Variants in PDZD2 observed in about 807,000 individuals in gnomAD.
The protein encoded by PDZD2 is PDZ domain-containing protein 2.
Under a neutral mutation model 220.7 loss-of-function variants are expected in PDZD2, and 90 were observed. That is an observed-to-expected ratio of 0.41 (90% confidence interval 0.34 to 0.49). The LOEUF (loss-of-function observed/expected upper bound fraction) is 0.49, where lower values mean the gene tolerates loss of function less well. Ranked by LOEUF, PDZD2 falls within the 20% of genes least tolerant of loss-of-function variation. The pLI is 0.28. For missense variants in PDZD2, 3,174 were observed against 3,608.5 expected (o/e 0.88, Z 3.08); for synonymous variants, 1,375 against 1,450.5 (o/e 0.95, Z 1.18).
chr5:31,800,679 C>A (rs1281765392), intron 2 of PDZD2, among the ~76,000 whole-genome samples: 1 of 152,210 alleles, frequency 6.6e-6, no homozygotes, highest in African/African-American at 2.4e-5. Flanking sequence ...CAATACCCCA[C>A]CCCTGGTGAG....
intron 2 of PDZD2, among the ~76,000 whole-genome samples, chr5:31,808,709 G>T (rs959101559): frequency 3.3e-5 from 5 of 152,174 alleles, no homozygotes; most frequent in African/African-American, 1.2e-4. Flanking sequence ...GGGCATAGTG[G>T]CTCATGCCTG....
chr5:31,708,871 A>G (rs1308875700), intron 1 of PDZD2, among the ~76,000 whole-genome samples: 2 of 134,704 alleles, frequency 1.5e-5, no homozygotes, highest in Non-Finnish European at 3.1e-5. Flanking sequence ...GTCCTCAGCA[A>G]ATGTGTTTTG....
intron 1 of PDZD2, among the ~76,000 whole-genome samples, chr5:31,785,759 G>A (rs1476746728): frequency 1.3e-5 from 2 of 152,072 alleles, no homozygotes; most frequent in East Asian, 3.9e-4. Flanking sequence ...TCTTTTAACT[G>A]TGCACATGCC....
At chr5:31,683,878 T>A (rs1746745829) in intron 1 of PDZD2, among the ~76,000 whole-genome samples, 1 of 152,180 alleles carries the variant, frequency 6.6e-6, no homozygotes, top group African/African-American at 2.4e-5. Flanking sequence ...TTAAATTTGA[T>A]ACCCAGTGCC....
At chr5:31,827,561 C>G (rs994541664) in intron 2 of PDZD2, among the ~76,000 whole-genome samples, 76 of 152,054 alleles carry the variant, frequency 5.0e-4, no homozygotes, top group African/African-American at 1.7e-3. Flanking sequence ...GGTATGGTGG[C>G]ATGCGCCTGT....
intron 1 of PDZD2, among the ~76,000 whole-genome samples, chr5:31,675,645 G>T (rs1405187308): frequency 6.6e-6 from 1 of 152,162 alleles, no homozygotes; most frequent in South Asian, 2.1e-4. Context: ...TGGCCCAATC[G>T]ATGTCTTACA....
chr5:31,855,756 CACT>C (rs1758392976), intron 2 of PDZD2, among the ~76,000 whole-genome samples: 1 of 152,226 alleles, frequency 6.6e-6, no homozygotes, highest in Non-Finnish European at 1.5e-5. Flanking sequence ...ACAGCCCCAC[CACT>C]GATTCCCAAA....
intron 2 of PDZD2, among the ~76,000 whole-genome samples, chr5:31,811,452 A>G (rs905606524): frequency 3.3e-5 from 5 of 152,206 alleles, no homozygotes; most frequent in Non-Finnish European, 5.9e-5. Flanking sequence ...AGATGATTCT[A>G]TCATTTGCAA....
intron 2 of PDZD2, among the ~76,000 whole-genome samples, chr5:31,969,788 TAA>T (rs1378986608): frequency 6.6e-6 from 1 of 152,188 alleles, no homozygotes. Context: ...AGTCATCTTT[TAA>T]AGAGTCTCTT....
intron 2 of PDZD2, among the ~76,000 whole-genome samples, chr5:31,801,837 TG>T (rs1180353209): frequency 6.6e-6 from 1 of 152,172 alleles, no homozygotes; most frequent in Non-Finnish European, 1.5e-5. Context: ...ACTACCATAA[TG>T]GAGAGTGTTT....
At chr5:31,784,479 C>G (rs1211547448) in intron 1 of PDZD2, among the ~76,000 whole-genome samples, 1 of 152,114 alleles carries the variant, frequency 6.6e-6, no homozygotes, top group Non-Finnish European at 1.5e-5. Context: ...GGACTGAAAT[C>G]GGATTGTGCT....
chr5:31,821,449 T>G (rs1464626809), intron 2 of PDZD2, among the ~76,000 whole-genome samples: 1 of 151,998 alleles, frequency 6.6e-6, no homozygotes. Context: ...GGCGCGATCT[T>G]GGCTCACTGC....
Position 31,881,326 on chromosome 5 carries a change from A to G in PDZD2, c.476+81602A>G, listed in dbSNP as rs7729050. 6.4e-3 allele frequency among the ~76,000 whole-genome samples: 788 copies of G among 123,236 alleles called. 25 individuals carry two copies. Among genetic ancestry groups the G allele is most frequent in the Admixed American group, 0.054 (590 of 10,998 alleles). 80.8% of individuals were successfully genotyped at this position (123,236 alleles called of 152,430 possible). On this transcript the variant is annotated intron_variant, in intron 2 of 24. Coordinates refer to ENST00000438447, the MANE Select transcript of PDZD2 (RefSeq NM_178140.4). ...CTTGTCTCATCCCATTTCCATATAT[A>G]TGTGTGTGTGTGTGTGTGTGTGTGT...
At chr5:31,953,012 C>T (rs1284079794) in intron 2 of PDZD2, among the ~76,000 whole-genome samples, 5 of 146,688 alleles carry the variant, frequency 3.4e-5, no homozygotes, top group African/African-American at 1.0e-4. Flanking sequence ...GAGTCATGAT[C>T]GTGCCACTGT....
At chr5:31,919,401 C>T (rs555387547) in intron 2 of PDZD2, among the ~76,000 whole-genome samples, 3 of 150,672 alleles carry the variant, frequency 2.0e-5, no homozygotes, top group South Asian at 2.1e-4. Context: ...GGCTAGAGTG[C>T]GGCGGTACGA....
chr5:31,851,023 A>G (rs951120845), intron 2 of PDZD2, among the ~76,000 whole-genome samples: 9 of 152,268 alleles, frequency 5.9e-5, no homozygotes, highest in African/African-American at 2.2e-4. Context: ...CCTCTTTATA[A>G]TAACCCTTCA....
intron 1 of PDZD2, among the ~76,000 whole-genome samples, chr5:31,789,972 T>G (rs531542411): frequency 3.3e-5 from 5 of 152,154 alleles, no homozygotes; most frequent in Non-Finnish European, 7.4e-5. Context: ...AATATCGTGG[T>G]CACTGTCCAT....
rs796270070 is a variant in PDZD2 at position 31,940,309 on chromosome 5, C to T, written c.477-42846C>T. Among the ~76,000 whole-genome samples the T allele has an allele frequency of 6.6e-5, 10 of 152,264 alleles. No homozygotes were observed. In the South Asian group the frequency reaches 2.1e-3, roughly 32 times the overall value. ...TGCTGTCCCTTGTAGGCCCATCTGCCCAGATTGCCTTCGTTAAGCACATGG... is the reference window on the plus strand; with the variant it reads ...TGCTGTCCCTTGTAGGCCCATCTGCTCAGATTGCCTTCGTTAAGCACATGG... On this transcript the variant is annotated intron_variant, in intron 2 of 24. Transcript: ENST00000438447.
chr5:31,761,793 G>A (rs1426138399), intron 1 of PDZD2, among the ~76,000 whole-genome samples: 1 of 151,750 alleles, frequency 6.6e-6, no homozygotes, highest in African/African-American at 2.4e-5. Flanking sequence ...CCCAGAAGGT[G>A]GAGGTTGCAG....
Sources: gnomAD v4.1 joint callset for allele counts (sites outside exome capture counted in the v4.1 genomes callset) on GRCh38, gnomAD v4.1.1 for gene constraint, MANE v1.5 for transcripts, NCBI Gene and HGNC (gene_info 2026-07-23, HGNC 2026-07-21) for gene names.